The following PDE8B variants were observed in gnomAD, a reference collection of about 807,000 sequenced individuals.
The protein encoded by PDE8B is high affinity cAMP-specific and IBMX-insensitive 3',5'-cyclic phosphodiesterase 8B.
A neutral mutation model predicts 101.3 loss-of-function variants in PDE8B; 26 were observed. The ratio of observed to expected loss-of-function variants is 0.26; its 90% confidence interval spans 0.19 to 0.36. PDE8B has a LOEUF of 0.36. PDE8B is among the 10% of genes least tolerant of loss of function. The probability of loss-of-function intolerance (pLI) is 1.00; values close to 1 mark genes in which losing one functional copy is unlikely to be tolerated. For missense variants in PDE8B, 810 were observed against 1,163.1 expected, an observed-to-expected ratio of 0.70 and a Z score of 4.42; for synonymous variants, 424 against 429.3, an observed-to-expected ratio of 0.99 and a Z score of 0.15.
Position 77,372,690 on chromosome 5 carries a change from C to T in PDE8B, c.1167+19284C>T, listed in dbSNP as rs1329795283. On this transcript the variant is annotated intron_variant, in intron 10 of 21. Coordinates refer to ENST00000264917, the MANE Select transcript of PDE8B (RefSeq NM_003719.5). The stretch of plus-strand genomic sequence containing the variant: ...AATTTGTCCATTTCATTTAGGCTAT[C>T]AAATTTTTTGGCAAAAGTGGATCAT... Among the ~76,000 whole-genome samples the T allele has an allele frequency of 2.0e-5, 3 of 152,290 alleles. No homozygotes were observed. The South Asian group carries it at 6.2e-4, about 32-fold the overall frequency.
rs150605073 is a variant in PDE8B at position 77,396,837 on chromosome 5, A to G, written c.1168-3411A>G. ...ATATTTAGTAGTTTTAATTACATAT[A>G]TTAACTACTACTTTAACTCGTAGTA... On this transcript the variant is annotated intron_variant, in intron 10 of 21. Transcript: ENST00000264917. Among the ~76,000 whole-genome samples, 27 of 152,146 alleles carry G rather than the reference A, an allele frequency of 1.8e-4. 1 individual carries two copies. In the East Asian group the frequency reaches 3.9e-3, roughly 22 times the overall value.
At chr5:77,221,685 A>C (rs1751127060) in intron 1 of PDE8B, among the ~76,000 whole-genome samples, 1 of 152,164 alleles carries the variant, frequency 6.6e-6, no homozygotes, top group Non-Finnish European at 1.5e-5. Context: ...TTGACTCCCT[A>C]GCATTCTCCT....
At chr5:77,385,697 A>G (rs1485587333) in intron 10 of PDE8B, among the ~76,000 whole-genome samples, 1 of 151,866 alleles carries the variant, frequency 6.6e-6, no homozygotes, top group Non-Finnish European at 1.5e-5. Context: ...GTTTAAAAGA[A>G]CATCTTTACT....
chr5:77,360,549 A>C (rs776889732), intron 10 of PDE8B, among the ~76,000 whole-genome samples: 1 of 152,208 alleles, frequency 6.6e-6, no homozygotes, highest in Admixed American at 6.5e-5. Flanking sequence ...ATTTTGCTCA[A>C]CCTAAATCAT....
At chr5:77,124,554 C>G in the PDE8B span, among the ~76,000 whole-genome samples, 7 of 151,162 alleles carry the variant, frequency 4.6e-5, no homozygotes, top group African/African-American at 7.3e-5. Context: ...GCCACTCACT[C>G]CAGCCTGGGT....
At chr5:77,280,829 G>A (rs1293781836) in intron 1 of PDE8B, among the ~76,000 whole-genome samples, 1 of 152,180 alleles carries the variant, frequency 6.6e-6, no homozygotes, top group Non-Finnish European at 1.5e-5. Context: ...CCGGGGAGGT[G>A]GAGGTTGCAG....
intron 1 of PDE8B, among the ~76,000 whole-genome samples, chr5:77,215,666 A>G (rs1749516754): frequency 6.6e-6 from 1 of 152,240 alleles, no homozygotes; most frequent in Non-Finnish European, 1.5e-5. Context: ...CCTGGGCGCC[A>G]GCAGGACAGA....
At chr5:77,289,762 A>G (rs1157549188) in intron 1 of PDE8B, among the ~76,000 whole-genome samples, 5 of 152,242 alleles carry the variant, frequency 3.3e-5, no homozygotes, top group Non-Finnish European at 7.3e-5. Flanking sequence ...ATTTTGTAAT[A>G]TGAATGAGGA....
At chr5:77,293,718 C>T (rs976902040) in intron 1 of PDE8B, among the ~76,000 whole-genome samples, 1 of 152,082 alleles carries the variant, frequency 6.6e-6, no homozygotes, top group Non-Finnish European at 1.5e-5. Context: ...TTTGTTTTTG[C>T]AGTTGTGAAT....
chr5:77,388,168 G>C (rs983007452), intron 10 of PDE8B, among the ~76,000 whole-genome samples: 1 of 152,104 alleles, frequency 6.6e-6, no homozygotes, highest in Non-Finnish European at 1.5e-5. Context: ...TCTGGTTTTT[G>C]GAATTTTCAG....
chr5:77,391,843 T>C (rs1211736816), intron 10 of PDE8B, among the ~76,000 whole-genome samples: 1 of 152,244 alleles, frequency 6.6e-6, no homozygotes, highest in Admixed American at 6.5e-5. Flanking sequence ...GAGAGAGGCG[T>C]TTTGATTCAG....
chr5:77,102,664 G>A, the PDE8B span, among the ~76,000 whole-genome samples: 6 of 152,258 alleles, frequency 3.9e-5, no homozygotes, highest in South Asian at 2.1e-4. Context: ...TGTCTATGAC[G>A]TGTGATCCTA....
At chr5:77,198,710 T>G in the PDE8B span, among the ~76,000 whole-genome samples, 1 of 152,188 alleles carries the variant, frequency 6.6e-6, no homozygotes, top group African/African-American at 2.4e-5. Flanking sequence ...TAGTTGTTAA[T>G]GGAAGGAGGG....
At chr5:77,156,140 A>T in the PDE8B span, among the ~76,000 whole-genome samples, 2 of 152,262 alleles carry the variant, frequency 1.3e-5, no homozygotes, top group African/African-American at 4.8e-5. Flanking sequence ...CGCACTGATT[A>T]ACAGCAGAGA....
intron 8 of PDE8B, 117 bp from the exon 9 acceptor site, chr5:77,350,947 CA>C: frequency 1.3e-6 from 1 of 769,716 alleles, no homozygotes. Flanking sequence ...ATACAGCAGG[CA>C]TTGGGAAATG....
At chr5:77,104,388 A>G in the PDE8B span, 1 of 152,182 alleles carries the variant, frequency 6.6e-6, no homozygotes. Flanking sequence ...CAATGCAATA[A>G]TAGTATTAAG....
intron 10 of PDE8B, among the ~76,000 whole-genome samples, chr5:77,395,713 A>C (rs1315839675): frequency 6.6e-6 from 1 of 151,878 alleles, no homozygotes; most frequent in African/African-American, 2.4e-5. Context: ...GTGCCCACGC[A>C]AAAGTCCCTC....
intron 10 of PDE8B, among the ~76,000 whole-genome samples, chr5:77,398,395 C>T (rs1163340924): frequency 6.7e-6 from 1 of 148,576 alleles, no homozygotes; most frequent in African/African-American, 2.5e-5. Flanking sequence ...AATCTCTGCT[C>T]ACTGCAACCT....
chr5:77,271,549 G>A (rs1420077662), intron 1 of PDE8B, among the ~76,000 whole-genome samples: 1 of 152,168 alleles, frequency 6.6e-6, no homozygotes, highest in Non-Finnish European at 1.5e-5. Context: ...TTATTTATTT[G>A]TTTTTTGATG....
Sources: allele counts gnomAD v4.1 joint callset (sites outside exome capture counted in the v4.1 genomes callset), GRCh38; gene constraint gnomAD v4.1.1; transcripts MANE v1.5; gene names NCBI Gene and HGNC (gene_info 2026-07-23, HGNC 2026-07-21).